The following ERCC5 variants were observed in gnomAD, a reference collection of about 807,000 sequenced individuals.
ERCC5 encodes the protein ERCC excision repair 5, endonuclease.
A neutral mutation model predicts 105.6 loss-of-function variants in ERCC5; 68 were observed. That is an observed-to-expected ratio of 0.64 (90% confidence interval 0.53 to 0.79). ERCC5 has a LOEUF of 0.79. Among genes scored for constraint, ERCC5 ranks in the 30% least tolerant of loss-of-function variants. The probability of loss-of-function intolerance (pLI) is 0.00; values close to 1 mark genes in which losing one functional copy is unlikely to be tolerated. For missense variants in ERCC5, 1,373 were observed against 1,426.7 expected, an observed-to-expected ratio of 0.96 and a Z score of 0.61; for synonymous variants, 546 against 526.2, an observed-to-expected ratio of 1.04 and a Z score of -0.51.
chr13:102,864,355 AT>A (rs1206860738), intron 8 of ERCC5, among the ~76,000 whole-genome samples: 1 of 152,298 alleles, frequency 6.6e-6, no homozygotes, highest in Non-Finnish European at 1.5e-5. Context: ...TGGTTGCCAA[AT>A]GATGGTTTTT....
At chr13:102,846,654 C>T (rs570594992) in intron 1 of ERCC5, among the ~76,000 whole-genome samples, 7 of 152,310 alleles carry the variant, frequency 4.6e-5, no homozygotes, top group Middle Eastern at 3.4e-3. Flanking sequence ...TCGTTTCTAG[C>T]TTACTTGTAA....
Position 102,868,103 on chromosome 13 carries a change from T to G in ERCC5, c.2534-10T>G, listed in dbSNP as rs199562917. 8.4e-4 allele frequency: 1,357 copies of G among 1,611,358 alleles called. 1 individual carries two copies. Among genetic ancestry groups the G allele is most frequent in the Non-Finnish European group, 9.8e-4 (1,157 of 1,178,808 alleles). ...CTTGATAAAAATTAAAAAATATTGTTACTCTTTAGGATTGGACCGGAATAA... is the reference window on the plus strand; with the variant it reads ...CTTGATAAAAATTAAAAAATATTGTGACTCTTTAGGATTGGACCGGAATAA... On this transcript the variant is annotated splice_polypyrimidine_tract_variant and intron_variant, in intron 11 of 14. Coordinates refer to ENST00000652225, the MANE Select transcript of ERCC5 (RefSeq NM_000123.4).
intron 1 of ERCC5, among the ~76,000 whole-genome samples, chr13:102,848,528 C>G (rs1479822146): frequency 6.6e-6 from 1 of 152,192 alleles, no homozygotes; most frequent in Non-Finnish European, 1.5e-5. Context: ...ATTACCATCT[C>G]TTTAGGCTAT....
At chr13:102,866,429 TG>T (rs1882842994) in intron 10 of ERCC5, 48 bp downstream of exon 10, 3 of 1,613,642 alleles carry the variant, frequency 1.9e-6, no homozygotes, top group Admixed American at 1.7e-5. Context: ...TTCAGACCCC[TG>T]GGGGAATGCA....
intron 8 of ERCC5, among the ~76,000 whole-genome samples, chr13:102,864,468 T>C (rs1882762800): frequency 6.6e-6 from 1 of 152,110 alleles, no homozygotes; most frequent in African/African-American, 2.4e-5. Context: ...CAGTGTAGAC[T>C]CCTGTATTCC....
At chr13:102,861,749 A>G (rs1446438298) in intron 7 of ERCC5, 35 bp downstream of exon 7, 11 of 1,611,054 alleles carry the variant, frequency 6.8e-6, no homozygotes, top group Non-Finnish European at 9.3e-6. Context: ...TTTACATTAA[A>G]AAATCAAAGA....
chr13:102,849,703 A>C (rs907058616), intron 1 of ERCC5, among the ~76,000 whole-genome samples: 10 of 152,130 alleles, frequency 6.6e-5, no homozygotes, highest in Non-Finnish European at 1.5e-4. Flanking sequence ...GCAGTGCACA[A>C]ATTGCCCGGG....
Position 102,862,888 on chromosome 13 carries a change from C to T in ERCC5, c.1739C>T (p.Pro580Leu), listed in dbSNP as rs1882694879. 6.2e-7 allele frequency: 1 copy of T among 1,614,158 alleles called. No individual in the cohort carries two copies. The highest frequency in any genetic ancestry group is 8.5e-7 in the Non-Finnish European group (1 of 1,180,020). Residue 580 changes from proline (P) to leucine (L), a missense_variant, in exon 8 of 15, where the codon CCT (proline) becomes CTT (leucine). Around this residue, in one of 3 missense-constraint regions of ERCC5, gnomAD observed 1,004 missense variants for 1,059.7 expected, o/e 0.95. Coordinates refer to ENST00000652225, the MANE Select transcript of ERCC5 (RefSeq NM_000123.4). Reference sequence around the variant, plus strand: ...AATTCTGCTTCTGAAGTCATTGGCCCTGTCAGTTTGCAAGAAACAAGTAGC... The same window carrying T: ...AATTCTGCTTCTGAAGTCATTGGCCTTGTCAGTTTGCAAGAAACAAGTAGC... ...KPNSASEVIGPVSLQETSSIV... is the reference protein window; with the variant it reads ...KPNSASEVIGLVSLQETSSIV...
At chr13:102,866,154 G>A (rs1038874149) in intron 9 of ERCC5, 108 bp from the exon 10 acceptor site, 14 of 1,546,170 alleles carry the variant, frequency 9.1e-6, no homozygotes, top group Non-Finnish European at 1.2e-5. Context: ...TACTTCCTAA[G>A]GAGAAAGAGC....
Position 102,875,914 on chromosome 13 carries a change from T to A in ERCC5, c.*11T>A, listed in dbSNP as rs961592673. 1 of 1,601,680 alleles carries A rather than the reference T, an allele frequency of 6.2e-7. No homozygotes were observed. The highest frequency in any genetic ancestry group is 2.2e-5 in the East Asian group (1 of 44,808). On this transcript the variant is annotated 3_prime_UTR_variant, in exon 15 of 15. Coordinates refer to ENST00000652225, the MANE Select transcript of ERCC5 (RefSeq NM_000123.4). Reference sequence around the variant, plus strand: ...AAAAGGAAAACCTAATTAAAAAATATGTATCCTCTATAATTAGTTATGACA... The same window carrying A: ...AAAAGGAAAACCTAATTAAAAAATAAGTATCCTCTATAATTAGTTATGACA...
chr13:102,866,658 C>G lies in ERCC5; in HGVS notation c.2346C>G (p.Pro782=). The part of the protein sequence containing the change: ...SQELLRLFGI[P]YIQAPMEAEA... ...AACTCCTGCGCCTGTTCGGCATTCC[C>G]TACATCCAGGCTCCCATGGAAGCAG... The change falls in exon 11 of 15, where the codon CCC becomes CCG. Residue 782 remains proline, a synonymous_variant. Coordinates refer to ENST00000652225, the MANE Select transcript of ERCC5 (RefSeq NM_000123.4). 10 of 1,613,884 alleles carry G rather than the reference C, an allele frequency of 6.2e-6. No individual in the cohort carries two copies. The highest frequency in any genetic ancestry group is 8.5e-6 in the Non-Finnish European group (10 of 1,179,988).
rs1279793112 is a variant in ERCC5, at chr13:102,875,590, C to G, written c.3248C>G (p.Thr1083Arg). 9 of 1,613,454 alleles carry G rather than the reference C, an allele frequency of 5.6e-6. No homozygotes were observed. The highest frequency in any genetic ancestry group is 7.6e-6 in the Non-Finnish European group (9 of 1,179,772). ...KRLSDSKGKN[T>R]CGGFLGETCL... Reference sequence around the variant, plus strand: ...CTTTCAGATTCTAAAGGAAAGAATACATGCGGTGGATTTTTGGGGGAGACC... The same window carrying G: ...CTTTCAGATTCTAAAGGAAAGAATAGATGCGGTGGATTTTTGGGGGAGACC... Residue 1083 changes from threonine (T) to arginine (R), a missense_variant, in exon 15 of 15, where the codon ACA (threonine) becomes AGA (arginine). Physicochemically the swap from Thr to Arg is moderately conservative, Grantham distance 71. Transcript: ENST00000652225.
rs189067487 is a variant in ERCC5 at position 102,862,736 on chromosome 13, T to C, written c.1587T>C (p.Cys529=). The C allele has an allele frequency of 4.8e-5, 77 of 1,614,126 alleles. No individual in the cohort carries two copies. Among genetic ancestry groups the C allele is most frequent in the Non-Finnish European group, 6.1e-5 (72 of 1,180,046 alleles). ...GRELTPASPT[C]TNSVSKNETH... is the part of the protein sequence containing the mutation. ...AACTGACACCGGCATCTCCAACTTG[T>C]ACAAATTCTGTGTCAAAGAATGAAA... Residue 529 remains cysteine, a synonymous_variant, in exon 8 of 15, where the codon TGT becomes TGC. Transcript: ENST00000652225.
rs1171290788 is a variant in ERCC5, at chr13:102,865,635, G to A, written c.1955-32G>A. ...GCAGGATCATTTTAATGTTTTGATT[G>A]TAGATGAAGTGACCTTTTAATTTTG... On this transcript the variant is annotated intron_variant, in intron 8 of 14. Transcript: ENST00000652225. This position sits in a 1 kb window ranked among gnomAD's most constrained non-coding sequence, Gnocchi z 4.0. The A allele has an allele frequency of 6.2e-6, 10 of 1,610,574 alleles. No homozygotes were observed. The highest frequency in any genetic ancestry group is 4.0e-5 in the African/African-American group (3 of 74,848).
At chr13:102,846,695 A>G (rs1881979613) in intron 1 of ERCC5, among the ~76,000 whole-genome samples, 1 of 152,212 alleles carries the variant, frequency 6.6e-6, no homozygotes, top group South Asian at 2.1e-4. Context: ...ATCTGTAAAT[A>G]GTTGTTATAC....
intron 14 of ERCC5, among the ~76,000 whole-genome samples, 180 bp downstream of exon 14, chr13:102,873,523 T>G (rs1883100018): frequency 6.6e-6 from 1 of 152,234 alleles, no homozygotes; most frequent in Non-Finnish European, 1.5e-5. Context: ...CTTCATTTTC[T>G]ATGATCACTC....
intron 4 of ERCC5, 28 bp downstream of exon 4, chr13:102,854,402 AT>A: frequency 6.2e-7 from 1 of 1,600,648 alleles, no homozygotes; most frequent in Non-Finnish European, 8.6e-7. Context: ...TAAGAATATT[AT>A]TTTAGTCATT....
chr13:102,868,343 A>C, intron 12 of ERCC5, 86 bp downstream of exon 12: 1 of 1,535,448 alleles, frequency 6.5e-7, no homozygotes, highest in African/African-American at 1.4e-5. Flanking sequence ...ATGAACTGTC[A>C]TGCTGTAACA....
At chr13:102,857,010 G>A (rs998885569) in intron 5 of ERCC5, among the ~76,000 whole-genome samples, 1 of 152,172 alleles carries the variant, frequency 6.6e-6, no homozygotes, top group Admixed American at 6.5e-5. Flanking sequence ...CAAGAAGAAT[G>A]TCCCACACAT....
Sources: gnomAD v4.1 joint callset for allele counts (sites outside exome capture counted in the v4.1 genomes callset) on GRCh38, gnomAD v4.1.1 for gene constraint, gnomAD v4.1.1 regional missense constraint, Gnocchi (gnomAD v3.1) non-coding constraint, MANE v1.5 for transcripts, NCBI Gene and HGNC (gene_info 2026-07-23, HGNC 2026-07-21) for gene names.